The following REXO1 variants were observed in gnomAD, a reference collection of about 807,000 sequenced individuals.
The protein encoded by REXO1 is REX1, RNA exonuclease 1 homolog.
In REXO1, 42 loss-of-function variants were observed where a neutral mutation model predicts 102.6. The observed-to-expected ratio is 0.41, with a 90% CI of 0.32 to 0.53. The LOEUF (loss-of-function observed/expected upper bound fraction) is 0.53. REXO1 is among the 20% of genes least tolerant of loss of function. The pLI, the probability that REXO1 is intolerant of heterozygous loss-of-function variation, is 0.27. For synonymous variants in REXO1, 908 were observed against 779.1 expected, an observed-to-expected ratio of 1.17 and a Z score of -2.76; for missense variants, 1,819 against 1,732.5, an observed-to-expected ratio of 1.05 and a Z score of -0.89.
At chr19:1,817,372 T>G in intron 11 of REXO1, 43 bp from the exon 12 acceptor site, 1 of 1,604,392 alleles carries the variant, frequency 6.2e-7, no homozygotes, top group Non-Finnish European at 8.5e-7. Context: ...CGGGGTGCAG[T>G]GGGGGCGGGG....
chr19:1,823,777 G>T lies in REXO1; in HGVS notation c.2025C>A (p.Pro675=). The T allele has an allele frequency of 8.1e-7, 1 of 1,242,122 alleles. No individual in the cohort carries two copies. Among genetic ancestry groups the T allele is most frequent in the Non-Finnish European group, 1.0e-6 (1 of 984,464 alleles). 76.9% of individuals were successfully genotyped at this position (1,242,122 alleles called of 1,614,324 possible). Residue 675 remains proline, a synonymous_variant, in exon 4 of 16, where the codon CCC becomes CCA. Coordinates refer to ENST00000170168, the MANE Select transcript of REXO1 (RefSeq NM_020695.4). ...HLSKQGQEVE[P]PRRGPAVPPA... ...GGGGCACCGCGGGACCCCTCCTCGGGGGCTCCACCTGCGTCACCACAAATG... is the reference window on the plus strand; with the variant it reads ...GGGGCACCGCGGGACCCCTCCTCGGTGGCTCCACCTGCGTCACCACAAATG...
chr19:1,827,321 C>CCGA lies in REXO1; in HGVS notation c.1465_1467dup (p.Ser489dup), dbSNP rs748903212. The CCGA allele has an allele frequency of 4.5e-6, 7 of 1,558,792 alleles. No individual in the cohort carries two copies. In the Admixed American group the frequency reaches 9.1e-5, roughly 20 times the overall value. ...CGGGCTTTCCGCTCCACTAGCTTCC[C>CCGA]CGACGGGGCCTTGGTGCTCTTCCTG... On this transcript the variant is annotated inframe_insertion, in exon 2 of 16. Transcript: ENST00000170168.
chr19:1,834,105 G>A (rs573711820), intron 1 of REXO1, among the ~76,000 whole-genome samples: 21 of 152,218 alleles, frequency 1.4e-4, no homozygotes, highest in Non-Finnish European at 1.5e-4. Context: ...CCACCTCCTT[G>A]TCCTGGACCC....
intron 3 of REXO1, chr19:1,824,200 C>CCACG (rs1305322164): frequency 6.0e-6 from 1 of 165,442 alleles, no homozygotes; most frequent in African/African-American, 2.4e-5. Flanking sequence ...CCTGCACTAC[C>CCACG]TCGCCACGTC....
At chr19:1,820,932 G>A (rs959978693) in intron 5 of REXO1, among the ~76,000 whole-genome samples, 21 of 151,776 alleles carry the variant, frequency 1.4e-4, no homozygotes, top group African/African-American at 3.1e-4. Context: ...CCAGGAGGTC[G>A]AGGTTGCAGT....
At position 1,821,591 on chromosome 19, in the gene REXO1, T is replaced by C. The variant is rs377022386; in HGVS notation, c.2322A>G (p.Thr774=). The change falls in exon 5 of 16, where the codon ACA becomes ACG. Residue 774 remains threonine, a synonymous_variant. Transcript: ENST00000170168. ...EPGGQQLKTR[T]LSGMASKTTT... ...TAGTCTTGGACGCCATCCCCGACAA[T>C]GTGCGTGTTTTCAGCTGCTGGCCAC... The C allele has an allele frequency of 1.2e-6, 2 of 1,613,850 alleles. No homozygotes were observed. The highest frequency in any genetic ancestry group is 1.1e-5 in the South Asian group (1 of 91,080).
intron 1 of REXO1, among the ~76,000 whole-genome samples, chr19:1,830,371 T>C (rs1180013926): frequency 6.6e-6 from 1 of 152,174 alleles, no homozygotes; most frequent in African/African-American, 2.4e-5. Context: ...AAGCTGAGCA[T>C]GGTGATGCAC....
intron 7 of REXO1, among the ~76,000 whole-genome samples, chr19:1,819,415 C>T (rs1325720228): frequency 6.6e-6 from 1 of 151,858 alleles, no homozygotes; most frequent in African/African-American, 2.4e-5. Context: ...GGGGGAAGGG[C>T]GGGGAGAACA....
chr19:1,826,823 C>T lies in REXO1; in HGVS notation c.1911+55G>A. The stretch of plus-strand genomic sequence containing the variant: ...CCACTCCAGATAGAAGGTCTCTCAC[C>T]AGGCCCTCGGCTCTGCCTCTGCCCG... On this transcript the variant is annotated intron_variant, in intron 2 of 15. Transcript: ENST00000170168. This position sits in a 1 kb window ranked among gnomAD's most constrained non-coding sequence, Gnocchi z 4.3. 3.3e-6 allele frequency: 5 copies of T among 1,537,382 alleles called. No individual in the cohort carries two copies. Among genetic ancestry groups the T allele is most frequent in the Non-Finnish European group, 2.6e-6 (3 of 1,143,842 alleles).
At chr19:1,816,628 C>T (rs1475555417) in intron 13 of REXO1, 59 bp from the exon 14 acceptor site, 23 of 189,608 alleles carry the variant, frequency 1.2e-4, no homozygotes, top group African/African-American at 2.7e-4. Context: ...GCTGGTGGGG[C>T]GGGGGAGGGT....
chr19:1,830,416 G>C (rs1762086776), intron 1 of REXO1, among the ~76,000 whole-genome samples: 1 of 152,216 alleles, frequency 6.6e-6, no homozygotes, highest in South Asian at 2.1e-4. Context: ...GGCTAAAGTG[G>C]GAGAATCACT....
At position 1,826,971 on chromosome 19, in the gene REXO1, C is replaced by T; in HGVS notation, c.1818G>A (p.Val606=). 3.2e-6 allele frequency: 5 copies of T among 1,569,020 alleles called. No individual in the cohort carries two copies. The highest frequency in any genetic ancestry group is 1.2e-5 in the South Asian group (1 of 85,738). ...DVDYSALEKE[V]DFDSDPMEEC... is the part of the protein sequence containing the mutation. ...CCTCCATGGGGTCGGAGTCAAAGTCCACCTCCTTCTCCAGGGCCGAGTAGT... is the reference window on the plus strand; with the variant it reads ...CCTCCATGGGGTCGGAGTCAAAGTCTACCTCCTTCTCCAGGGCCGAGTAGT... The change falls in exon 2 of 16, where the codon GTG becomes GTA. Residue 606 remains valine (V), a synonymous_variant. Transcript: ENST00000170168. The surrounding 1 kb of genome is among the most constrained non-coding windows in gnomAD (Gnocchi z 4.3).
rs2069803679 is a variant in REXO1, at chr19:1,828,314, A to T, written c.475T>A (p.Leu159Ile). 1 of 1,609,864 alleles carries T rather than the reference A, an allele frequency of 6.2e-7. No homozygotes were observed. The highest frequency in any genetic ancestry group is 1.1e-5 in the South Asian group (1 of 90,802). Residue 159 changes from leucine to isoleucine, a missense_variant, in exon 2 of 16, where the codon TTA becomes ATA. Leu to Ile is a conservative substitution (Grantham distance 5, BLOSUM62 2). Transcript: ENST00000170168. The part of the protein sequence containing the change: ...FDYSPGSHGL[L>I]SPDAGYQPTP... ...GGCTGGTAGCCGGCATCAGGGCTTAATAGGCCGTGGCTGCCGGGGCTGTAG... is the reference window on the plus strand; with the variant it reads ...GGCTGGTAGCCGGCATCAGGGCTTATTAGGCCGTGGCTGCCGGGGCTGTAG...
Position 1,820,029 on chromosome 19 carries a change from T to A in REXO1, c.2555A>T (p.Asp852Val). 6.2e-7 allele frequency: 1 copy of A among 1,603,642 alleles called. No individual in the cohort carries two copies. The highest frequency in any genetic ancestry group is 8.5e-7 in the Non-Finnish European group (1 of 1,177,280). ...GTAGATGTTCTTGCTGGGGCTGCGG[T>A]CATAGGCCACCTTCTCCTCGTTCAG... is the stretch of plus-strand genomic sequence containing the variant. ...KALNEEKVAY[D>V]RSPSKNIYLN... The change falls in exon 7 of 16, where the codon GAC becomes GTC. Residue 852 changes from aspartate (D) to valine (V), a missense_variant. Coordinates refer to ENST00000170168, the MANE Select transcript of REXO1 (RefSeq NM_020695.4).
chr19:1,837,956 A>G (rs1008561373), intron 1 of REXO1, among the ~76,000 whole-genome samples: 24 of 152,244 alleles, frequency 1.6e-4, no homozygotes, highest in Admixed American at 3.3e-4. Flanking sequence ...CAAGGCTTAC[A>G]GCTCGAGGCT....
intron 3 of REXO1, among the ~76,000 whole-genome samples, chr19:1,825,254 C>G (rs1365933786): frequency 1.5e-5 from 2 of 132,306 alleles, no homozygotes; most frequent in African/African-American, 5.6e-5. Context: ...GAGCAGAGAT[C>G]GTGCCACTGC....
In REXO1 at chr19:1,815,718, T is replaced by G. The variant is rs2069339426; in HGVS notation, c.*348A>C. On this transcript the variant is annotated 3_prime_UTR_variant, in exon 16 of 16. Coordinates refer to ENST00000170168, the MANE Select transcript of REXO1 (RefSeq NM_020695.4). This position sits in a 1 kb window ranked among gnomAD's most constrained non-coding sequence, Gnocchi z 4.0. ...GGACAAGCCCGCCCCGCGACCCACG[T>G]GAGGAGCAGAGGTGCCGGCCACCAC... is the stretch of plus-strand genomic sequence containing the variant. 7.3e-7 allele frequency: 1 copy of G among 1,377,742 alleles called. No individual in the cohort carries two copies. The highest frequency in any genetic ancestry group is 1.5e-5 in the African/African-American group (1 of 68,570). 85.3% of individuals were successfully genotyped at this position (1,377,742 alleles called of 1,614,324 possible). A position where few individuals can be genotyped will look rare whatever the true frequency, so the allele number is the denominator to read the frequency against.
In REXO1 at chr19:1,817,303, C is replaced by G; in HGVS notation, c.3117G>C (p.Glu1039Asp). 6.2e-7 allele frequency: 1 copy of G among 1,612,984 alleles called. No homozygotes were observed. The change falls in exon 12 of 16, where the codon GAG becomes GAC. Residue 1039 changes from glutamate to aspartate, a missense_variant. Coordinates refer to ENST00000170168, the MANE Select transcript of REXO1 (RefSeq NM_020695.4). ...AKQHVQDGRK[E>D]RLEGFVKTFE... is the part of the protein sequence containing the mutation. ...AGGTCTTCACGAAGCCCTCAAGGCG[C>G]TCCTTCCGGCCATCCTGCACGTGTT...
At chr19:1,841,590 C>A (rs1380966857) in intron 1 of REXO1, among the ~76,000 whole-genome samples, 1 of 152,220 alleles carries the variant, frequency 6.6e-6, no homozygotes, top group Non-Finnish European at 1.5e-5. Context: ...AGCTCTGCCC[C>A]ACAGAAAGCC....
Sources: gnomAD v4.1 joint callset for allele counts (sites outside exome capture counted in the v4.1 genomes callset) on GRCh38, gnomAD v4.1.1 for gene constraint, Gnocchi (gnomAD v3.1) non-coding constraint, MANE v1.5 for transcripts, NCBI Gene and HGNC (gene_info 2026-07-23, HGNC 2026-07-21) for gene names.